The following FBXL17 variants were observed in gnomAD, a reference collection of about 807,000 sequenced individuals.
FBXL17 encodes the protein F-box and leucine rich repeat protein 17, also known as F-box/LRR-repeat protein 17.
FBXL17 carries 22 observed loss-of-function variants against 66.2 expected under a neutral mutation model. The ratio of observed to expected loss-of-function variants is 0.33; its 90% CI spans 0.24 to 0.47. The LOEUF (loss-of-function observed/expected upper bound fraction) is 0.47. FBXL17 is among the 20% of genes least tolerant of loss of function. The pLI, the probability that FBXL17 is intolerant of heterozygous loss-of-function variation, is 1.00. For missense variants in FBXL17, 878 were observed against 948.2 expected, an observed-to-expected ratio of 0.93 and a Z score of 0.97; for synonymous variants, 474 against 400.5, an observed-to-expected ratio of 1.18 and a Z score of -2.19.
At chr5:108,047,990 G>A (rs1747322688) in intron 6 of FBXL17, among the ~76,000 whole-genome samples, 2 of 152,194 alleles carry the variant, frequency 1.3e-5, no homozygotes, top group South Asian at 2.1e-4. Context: ...ACCCAACTGG[G>A]TGAGACCCTC....
At chr5:108,293,385 GA>G (rs1437736585) in intron 4 of FBXL17, among the ~76,000 whole-genome samples, 1 of 152,126 alleles carries the variant, frequency 6.6e-6, no homozygotes, top group Non-Finnish European at 1.5e-5. Context: ...TCCATTAAGT[GA>G]AAGACATTTT....
chr5:108,269,797 A>G (rs115480825), intron 4 of FBXL17, among the ~76,000 whole-genome samples: 2,050 of 152,204 alleles, frequency 0.013, 56 homozygotes, highest in African/African-American at 0.047. Flanking sequence ...CTATTCAATA[A>G]TAAAGAAAAT....
At chr5:107,902,726 T>C (rs913622796) in intron 7 of FBXL17, among the ~76,000 whole-genome samples, 1 of 152,208 alleles carries the variant, frequency 6.6e-6, no homozygotes, top group African/African-American at 2.4e-5. Context: ...CCTTTATTTA[T>C]TTTTTAAAAG....
chr5:108,263,976 G>A (rs544887791), intron 4 of FBXL17, among the ~76,000 whole-genome samples: 2 of 152,192 alleles, frequency 1.3e-5, no homozygotes, highest in South Asian at 4.1e-4. Flanking sequence ...AGCACTTTGG[G>A]AGGCCGAGGC....
At position 107,965,968 on chromosome 5, in the gene FBXL17, C is replaced by CAT. The variant is rs149063539; in HGVS notation, c.1822+54956_1822+54957insAT. 8.7e-4 allele frequency among the ~76,000 whole-genome samples: 132 copies of CAT among 152,022 alleles called. No homozygotes were observed. In the East Asian group the frequency reaches 0.015, roughly 17 times the overall value. ...GTGACAGTTTTTTTTCTATAAAAGA[C>CAT]GATATGATTGAATCTGACTAAAACA... On this transcript the variant is annotated intron_variant, in intron 7 of 8. Coordinates refer to ENST00000542267, the MANE Select transcript of FBXL17 (RefSeq NM_001163315.3).
intron 6 of FBXL17, among the ~76,000 whole-genome samples, chr5:108,153,625 A>G (rs1760042031): frequency 6.6e-6 from 1 of 152,182 alleles, no homozygotes; most frequent in Admixed American, 6.5e-5. Flanking sequence ...TTCCATGATC[A>G]GCACTTGGTC....
chr5:108,025,727 G>GTGCA (rs1554058192), intron 6 of FBXL17, among the ~76,000 whole-genome samples: 1 of 141,164 alleles, frequency 7.1e-6, no homozygotes, highest in African/African-American at 2.6e-5. Context: ...ACGCGCGCGC[G>GTGCA]CACACACACA....
intron 6 of FBXL17, among the ~76,000 whole-genome samples, chr5:108,183,808 C>T (rs1364704927): frequency 6.6e-6 from 1 of 152,112 alleles, no homozygotes; most frequent in Non-Finnish European, 1.5e-5. Context: ...GTAAGTGAGA[C>T]ATATGGTATT....
chr5:108,344,750 G>A (rs1041565221), intron 4 of FBXL17, among the ~76,000 whole-genome samples: 1 of 152,150 alleles, frequency 6.6e-6, no homozygotes, highest in African/African-American at 2.4e-5. Flanking sequence ...AAGAAGCACA[G>A]GAAATATACT....
intron 6 of FBXL17, among the ~76,000 whole-genome samples, chr5:108,038,485 A>G (rs1330779301): frequency 6.6e-6 from 1 of 152,096 alleles, no homozygotes; most frequent in African/African-American, 2.4e-5. Flanking sequence ...AAGTTTCATT[A>G]TATGATTCTA....
At chr5:108,348,767 T>C (rs1747449890) in intron 3 of FBXL17, among the ~76,000 whole-genome samples, 1 of 152,158 alleles carries the variant, frequency 6.6e-6, no homozygotes, top group South Asian at 2.1e-4. Context: ...CCAAGGTATG[T>C]ATATTCCTTA....
intron 7 of FBXL17, among the ~76,000 whole-genome samples, chr5:108,001,416 T>C (rs1174349139): frequency 6.6e-6 from 1 of 152,238 alleles, no homozygotes; most frequent in Non-Finnish European, 1.5e-5. Flanking sequence ...AGGTAGAATT[T>C]AAGTACTCTG....
chr5:108,379,764 A>C (rs1749711094), intron 1 of FBXL17, among the ~76,000 whole-genome samples: 2 of 152,216 alleles, frequency 1.3e-5, no homozygotes, highest in Admixed American at 6.5e-5. Context: ...ATAACTTAAT[A>C]AAAACTCTAT....
At chr5:107,958,023 C>T (rs563220260) in intron 7 of FBXL17, among the ~76,000 whole-genome samples, 22 of 151,444 alleles carry the variant, frequency 1.5e-4, no homozygotes, top group South Asian at 2.1e-4. Context: ...ATTGTTGACA[C>T]GGCAGAGAAA....
At chr5:108,352,816 A>G (rs992903050) in intron 3 of FBXL17, among the ~76,000 whole-genome samples, 9 of 152,136 alleles carry the variant, frequency 5.9e-5, no homozygotes, top group Admixed American at 1.3e-4. Flanking sequence ...GACGAATATA[A>G]TTCTTCTAAA....
At chr5:108,321,137 AATT>A (rs534843917) in intron 4 of FBXL17, among the ~76,000 whole-genome samples, 198 of 151,946 alleles carry the variant, frequency 1.3e-3, no homozygotes, top group Non-Finnish European at 1.9e-3. Flanking sequence ...GCTCGTAAGA[AATT>A]ATTACTACTA....
intron 4 of FBXL17, among the ~76,000 whole-genome samples, chr5:108,306,125 T>C (rs1758828717): frequency 6.6e-6 from 1 of 152,086 alleles, no homozygotes; most frequent in African/African-American, 2.4e-5. Flanking sequence ...TTAGGAGATC[T>C]TTTTTACTTT....
intron 7 of FBXL17, among the ~76,000 whole-genome samples, chr5:107,954,229 GAA>G (rs1275527754): frequency 2.0e-5 from 3 of 152,070 alleles, no homozygotes; most frequent in African/African-American, 7.2e-5. Context: ...GAAAGTATGA[GAA>G]AAGTTATGCA....
intron 7 of FBXL17, among the ~76,000 whole-genome samples, chr5:107,987,413 T>C (rs1162477011): frequency 1.3e-5 from 2 of 152,070 alleles, no homozygotes; most frequent in African/African-American, 4.8e-5. Context: ...AAAATAATAT[T>C]TTTATTTTAA....
Sources: gnomAD v4.1 joint callset for allele counts (sites outside exome capture counted in the v4.1 genomes callset) on GRCh38, gnomAD v4.1.1 for gene constraint, MANE v1.5 for transcripts, NCBI Gene and HGNC (gene_info 2026-07-23, HGNC 2026-07-21) for gene names.